GRID2: variants seen among roughly 807,000 people sequenced by gnomAD.
The protein encoded by GRID2 is glutamate ionotropic receptor delta type subunit 2, also known as glutamate receptor ionotropic, delta-2.
GRID2 carries 33 observed loss-of-function variants against 114.8 expected under a neutral mutation model. The observed-to-expected ratio is 0.29, with a 90% CI of 0.22 to 0.38. The LOEUF (loss-of-function observed/expected upper bound fraction) is 0.38. Among genes scored for constraint, GRID2 ranks in the 10% least tolerant of loss-of-function variants. GRID2 has a pLI of 1.00. For missense variants in GRID2, 1,184 were observed against 1,257.7 expected (o/e 0.94, Z 0.89); for synonymous variants, 505 against 449.9 (o/e 1.12, Z -1.55).
intron 2 of GRID2, among the ~76,000 whole-genome samples, chr4:92,960,064 T>C (rs1413245761): frequency 6.6e-6 from 1 of 152,090 alleles, no homozygotes; most frequent in East Asian, 1.9e-4. Flanking sequence ...CTATCTATTT[T>C]GAAAATTTTC....
intron 14 of GRID2, among the ~76,000 whole-genome samples, chr4:93,681,752 T>G (rs1275200030): frequency 5.3e-5 from 8 of 152,228 alleles, no homozygotes; most frequent in Non-Finnish European, 1.0e-4. Context: ...ACTGGATCCC[T>G]TCCTTACGTC....
At chr4:93,743,741 A>G (rs1731606085) in intron 14 of GRID2, among the ~76,000 whole-genome samples, 1 of 152,232 alleles carries the variant, frequency 6.6e-6, no homozygotes, top group South Asian at 2.1e-4. Flanking sequence ...TGTCAAGATA[A>G]CACAAATATT....
intron 2 of GRID2, among the ~76,000 whole-genome samples, chr4:92,846,283 G>T (rs566778772): frequency 2.0e-5 from 3 of 152,164 alleles, no homozygotes; most frequent in Admixed American, 2.0e-4. Flanking sequence ...TGAGTATATA[G>T]TACCTAATAG....
rs554992503 is a variant in GRID2, at chr4:93,408,040, C to A, written c.1347+12332C>A. Among the ~76,000 whole-genome samples the A allele has an allele frequency of 3.3e-5, 5 of 152,168 alleles. No homozygotes were observed. The East Asian group carries it at 9.7e-4, about 29-fold the overall frequency. On this transcript the variant is annotated intron_variant, in intron 9 of 15. Transcript: ENST00000282020. The stretch of plus-strand genomic sequence containing the variant: ...TGGTGTTCTGAGCCAAATGTAATCT[C>A]CAAGACCATGGTCAGTAAAGTACTC...
intron 1 of GRID2, among the ~76,000 whole-genome samples, chr4:92,438,634 G>A (rs1376351517): frequency 6.6e-6 from 1 of 151,156 alleles, no homozygotes; most frequent in Non-Finnish European, 1.5e-5. Context: ...TTTAGCCATG[G>A]GCACATGTTC....
chr4:93,398,832 A>G (rs1269195491), intron 9 of GRID2, among the ~76,000 whole-genome samples: 1 of 150,510 alleles, frequency 6.6e-6, no homozygotes, highest in South Asian at 2.1e-4. Context: ...TACTTATTAC[A>G]TTACTACAAT....
intron 13 of GRID2, among the ~76,000 whole-genome samples, chr4:93,589,353 T>C (rs540247399): frequency 1.3e-5 from 2 of 151,924 alleles, no homozygotes; most frequent in Non-Finnish European, 2.9e-5. Flanking sequence ...GTTTCCAATT[T>C]CATCCATGTC....
chr4:92,322,807 T>A (rs897927701), intron 1 of GRID2, among the ~76,000 whole-genome samples: 2 of 152,194 alleles, frequency 1.3e-5, no homozygotes, highest in South Asian at 2.1e-4. Context: ...TTGTTTTGGC[T>A]ATGTTTTATT....
intron 4 of GRID2, among the ~76,000 whole-genome samples, chr4:93,171,001 T>A (rs191944132): frequency 6.6e-6 from 1 of 152,316 alleles, no homozygotes; most frequent in East Asian, 1.9e-4. Flanking sequence ...TATTCATCTC[T>A]TTGCATCTGC....
chr4:92,658,388 T>C (rs185985999), intron 2 of GRID2, among the ~76,000 whole-genome samples: 1 of 151,862 alleles, frequency 6.6e-6, no homozygotes, highest in Non-Finnish European at 1.5e-5. Context: ...TCAGAGAAAG[T>C]GAGTGTGTCT....
At chr4:93,412,215 C>T (rs918230987) in intron 9 of GRID2, among the ~76,000 whole-genome samples, 3 of 150,704 alleles carry the variant, frequency 2.0e-5, no homozygotes, top group African/African-American at 7.4e-5. Context: ...GCCTGGGCAG[C>T]ATAGTAAGAC....
At chr4:93,542,843 T>C (rs1466653189) in intron 13 of GRID2, among the ~76,000 whole-genome samples, 1 of 152,188 alleles carries the variant, frequency 6.6e-6, no homozygotes, top group African/African-American at 2.4e-5. Flanking sequence ...TTTAAATTCC[T>C]CTCTGCCCAG....
intron 9 of GRID2, among the ~76,000 whole-genome samples, chr4:93,409,541 T>G (rs182490476): frequency 6.6e-6 from 1 of 152,264 alleles, no homozygotes; most frequent in Non-Finnish European, 1.5e-5. Flanking sequence ...GTAGATTTAT[T>G]CTAGATATAA....
intron 2 of GRID2, among the ~76,000 whole-genome samples, chr4:92,716,268 T>C (rs1161639618): frequency 6.6e-6 from 1 of 152,206 alleles, no homozygotes; most frequent in Non-Finnish European, 1.5e-5. Context: ...GCCCTTTGAC[T>C]TTCTGCAAAG....
intron 9 of GRID2, among the ~76,000 whole-genome samples, chr4:93,402,290 G>A (rs1372852826): frequency 6.6e-6 from 1 of 151,976 alleles, no homozygotes; most frequent in Admixed American, 6.6e-5. Flanking sequence ...TGAATTTATG[G>A]AAACCAAGAC....
At chr4:92,474,625 T>G (rs1722205303) in intron 1 of GRID2, among the ~76,000 whole-genome samples, 2 of 152,108 alleles carry the variant, frequency 1.3e-5, no homozygotes, top group Non-Finnish European at 2.9e-5. Flanking sequence ...ATCAATTACA[T>G]TCTCACCAAT....
chr4:92,575,502 G>T (rs1039831935), intron 1 of GRID2, among the ~76,000 whole-genome samples: 1 of 152,066 alleles, frequency 6.6e-6, no homozygotes, highest in Non-Finnish European at 1.5e-5. Flanking sequence ...TTTTTTTGTG[G>T]TTTTTGTTGT....
At chr4:93,446,092 T>C (rs1249185632) in intron 10 of GRID2, among the ~76,000 whole-genome samples, 2 of 152,018 alleles carry the variant, frequency 1.3e-5, no homozygotes, top group Non-Finnish European at 2.9e-5. Flanking sequence ...AGCAGGGTAT[T>C]AGCTCAGCAG....
At chr4:93,246,522 G>A (rs1748225342) in intron 8 of GRID2, among the ~76,000 whole-genome samples, 1 of 151,084 alleles carries the variant, frequency 6.6e-6, no homozygotes, top group East Asian at 2.0e-4. Flanking sequence ...GGGAGGCAGA[G>A]CTTGCAGTGA....
Sources: gnomAD v4.1 joint callset for allele counts (sites outside exome capture counted in the v4.1 genomes callset) on GRCh38, gnomAD v4.1.1 for gene constraint, MANE v1.5 for transcripts, NCBI Gene and HGNC (gene_info 2026-07-23, HGNC 2026-07-21) for gene names.